Variants in STAB2 observed in about 807,000 individuals in gnomAD.
STAB2 encodes stabilin-2.
In STAB2, 288 loss-of-function variants were observed where a neutral mutation model predicts 338.1. That is an observed-to-expected ratio of 0.85 (90% CI 0.77 to 0.94). STAB2 has a LOEUF of 0.94. Among genes scored for constraint, STAB2 ranks in the 40% least tolerant of loss-of-function variants. The pLI is 0.00. For missense variants in STAB2, 3,141 were observed against 3,210.1 expected, an observed-to-expected ratio of 0.98 and a Z score of 0.52; for synonymous variants, 1,202 against 1,193.3, an observed-to-expected ratio of 1.01 and a Z score of -0.15.
intron 5 of STAB2, among the ~76,000 whole-genome samples, chr12:103,622,332 AAAG>A (rs1957314898): frequency 7.1e-6 from 1 of 141,506 alleles, no homozygotes; most frequent in Non-Finnish European, 1.6e-5. Context: ...CCATGTGATG[AAAG>A]AAGATTTATA....
intron 63 of STAB2, among the ~76,000 whole-genome samples, chr12:103,756,043 T>C (rs968487163): frequency 1.3e-5 from 2 of 152,196 alleles, no homozygotes; most frequent in Non-Finnish European, 2.9e-5. Flanking sequence ...TTCTATGTTC[T>C]TGTGAGCTGG....
At chr12:103,595,513 A>G (rs759407183) in intron 3 of STAB2, among the ~76,000 whole-genome samples, 1 of 152,164 alleles carries the variant, frequency 6.6e-6, no homozygotes, top group Non-Finnish European at 1.5e-5. Context: ...ACTTGTAAAT[A>G]GTTGAATCCA....
chr12:103,708,814 T>C (rs1264835276), intron 39 of STAB2, among the ~76,000 whole-genome samples: 3 of 152,114 alleles, frequency 2.0e-5, no homozygotes, highest in African/African-American at 7.2e-5. Flanking sequence ...GAATCACACT[T>C]TACATATTGT....
Position 103,739,527 on chromosome 12 carries a change from CTGTGTGTGTGTGTGTGTG to C in STAB2, c.5754+88_5754+105del, listed in dbSNP as rs35471201. 1.1e-3 allele frequency: 732 copies of C among 673,658 alleles called. 1 individual carries two copies. Among genetic ancestry groups the C allele is most frequent in the South Asian group, 2.0e-3 (62 of 30,342 alleles). 41.7% of individuals were successfully genotyped at this position (673,658 alleles called of 1,614,324 possible). A position where few individuals can be genotyped will look rare whatever the true frequency, so the allele number is the denominator to read the frequency against. ...CCATAGGTCTGTTTCATTATCAGAC[CTGTGTGTGTGTGTGTGTG>C]TGTGTGTGTGTGTGTGTGTGTGTGT... On this transcript the variant is annotated intron_variant, in intron 54 of 68. Transcript: ENST00000388887.
chr12:103,683,110 A>G, intron 25 of STAB2, 95 bp from the exon 26 acceptor site: 3 of 1,062,888 alleles, frequency 2.8e-6, no homozygotes, highest in Non-Finnish European at 4.2e-6. Flanking sequence ...AAGCAGCTTC[A>G]GTTTCCATAG....
At chr12:103,663,346 T>C (rs992173747) in intron 18 of STAB2, among the ~76,000 whole-genome samples, 1 of 152,178 alleles carries the variant, frequency 6.6e-6, no homozygotes, top group Non-Finnish European at 1.5e-5. Flanking sequence ...AGCAGAGCCA[T>C]GCTCCCTCTG....
chr12:103,629,481 G>T (rs546760488), intron 5 of STAB2, among the ~76,000 whole-genome samples: 2 of 152,150 alleles, frequency 1.3e-5, no homozygotes, highest in African/African-American at 4.8e-5. Context: ...TCTAGTTGTC[G>T]TAGGGTGCAA....
chr12:103,711,732 A>G (rs1879879386), intron 40 of STAB2, among the ~76,000 whole-genome samples: 1 of 152,212 alleles, frequency 6.6e-6, no homozygotes, highest in Non-Finnish European at 1.5e-5. Context: ...CTTACCTGGC[A>G]CATTGACGAA....
At chr12:103,741,229 C>A (rs529512013) in intron 55 of STAB2, among the ~76,000 whole-genome samples, 85 of 152,246 alleles carry the variant, frequency 5.6e-4, no homozygotes, top group Middle Eastern at 3.4e-3. Flanking sequence ...GGAAAGGGCT[C>A]CTTGCCAAAG....
At chr12:103,688,239 G>A in intron 28 of STAB2, 24 bp downstream of exon 28, 1 of 1,610,088 alleles carries the variant, frequency 6.2e-7, no homozygotes, top group South Asian at 1.1e-5. Flanking sequence ...TTGGGACTTA[G>A]GATTGGGAAT....
chr12:103,689,867 C>T lies in STAB2; in HGVS notation c.3067C>T (p.Leu1023=). 1.2e-6 allele frequency: 2 copies of T among 1,614,102 alleles called. No homozygotes were observed. The highest frequency in any genetic ancestry group is 1.7e-6 in the Non-Finnish European group (2 of 1,179,986). ...TCAGAATGCTTCTCTACAACCCACA[C>T]TGTCAGCCACCTCAAACCTCACTGT... The part of the protein sequence containing the change: ...WINNASLQPT[L]SATSNLTVLV... Residue 1023 remains leucine (L), a synonymous_variant, in exon 29 of 69, where the codon CTG becomes TTG. Transcript: ENST00000388887.
intron 49 of STAB2, among the ~76,000 whole-genome samples, chr12:103,730,672 T>A (rs975994860): frequency 2.6e-5 from 4 of 152,190 alleles, no homozygotes; most frequent in African/African-American, 9.7e-5. Context: ...AGATAGTAGA[T>A]ACATCATCAA....
chr12:103,615,354 G>T (rs529535010), intron 3 of STAB2, among the ~76,000 whole-genome samples: 10 of 152,312 alleles, frequency 6.6e-5, no homozygotes, highest in African/African-American at 2.2e-4. Flanking sequence ...AGGGAGTCAA[G>T]GAAAGTTGGA....
At chr12:103,648,627 C>T (rs1200740008) in intron 9 of STAB2, 63 bp from the exon 10 acceptor site, 2 of 1,580,776 alleles carry the variant, frequency 1.3e-6, no homozygotes, top group Non-Finnish European at 1.7e-6. Flanking sequence ...GGGGATTGGA[C>T]TGTATGATCA....
rs1362121112 is a variant in STAB2, at chr12:103,740,632, T to C, written c.5757T>C (p.Gly1919=). Reference sequence around the variant, plus strand: ...GATGGTCCACTCTCTTCCCTTAGGGTGTGAAGCAGAAGTGTCTCTACAACC... The same window carrying C: ...GATGGTCCACTCTCTTCCCTTAGGGCGTGAAGCAGAAGTGTCTCTACAACC... ...PSCPRWSKPK[G]VKQKCLYNLP... Residue 1919 remains glycine, a splice_region_variant and synonymous_variant, in exon 55 of 69, where the codon GGT becomes GGC. Coordinates refer to ENST00000388887, the MANE Select transcript of STAB2 (RefSeq NM_017564.10). 1.2e-6 allele frequency: 2 copies of C among 1,611,324 alleles called. No homozygotes were observed. Among genetic ancestry groups the C allele is most frequent in the Non-Finnish European group, 1.7e-6 (2 of 1,178,908 alleles).
chr12:103,755,812 T>A, intron 63 of STAB2, 94 bp downstream of exon 63: 1 of 1,203,028 alleles, frequency 8.3e-7, no homozygotes, highest in Non-Finnish European at 1.2e-6. Flanking sequence ...AAGGCCACAG[T>A]CACAGTTAAG....
At chr12:103,598,119 G>A (rs576101324) in intron 3 of STAB2, among the ~76,000 whole-genome samples, 12 of 152,094 alleles carry the variant, frequency 7.9e-5, no homozygotes, top group South Asian at 4.1e-4. Flanking sequence ...CAAATAATGC[G>A]GAGTTCACTT....
chr12:103,668,745 C>A lies in STAB2; in HGVS notation c.2172+16C>A. The stretch of plus-strand genomic sequence containing the variant: ...CACTGTGAAGGTGAGGAGCGCGTGG[C>A]CGAGGCCCAGTCTAGGCCAGTAGGG... On this transcript the variant is annotated intron_variant, in intron 20 of 68. Coordinates refer to ENST00000388887, the MANE Select transcript of STAB2 (RefSeq NM_017564.10). 1 of 1,532,480 alleles carries A rather than the reference C, an allele frequency of 6.5e-7. No homozygotes were observed. 94.9% of individuals were successfully genotyped at this position (1,532,480 alleles called of 1,614,324 possible).
intron 67 of STAB2, among the ~76,000 whole-genome samples, chr12:103,763,121 G>C (rs1976256): frequency 0.27 from 41,148 of 152,122 alleles, 5,878 homozygotes; most frequent in South Asian, 0.47. Flanking sequence ...AAAGTGTATA[G>C]GCTGTATGAC....
Sources: allele counts gnomAD v4.1 joint callset (sites outside exome capture counted in the v4.1 genomes callset), GRCh38; gene constraint gnomAD v4.1.1; transcripts MANE v1.5; gene names NCBI Gene and HGNC (gene_info 2026-07-23, HGNC 2026-07-21).